Variants in GPR26 observed in about 807,000 individuals in gnomAD.
GPR26 encodes G protein-coupled receptor 26.
A neutral mutation model predicts 23.1 loss-of-function variants in GPR26; 15 were observed. That is an observed-to-expected ratio of 0.65 (90% confidence interval 0.43 to 1.00). The LOEUF is 1.00. Among genes scored for constraint, GPR26 ranks in the 50% least tolerant of loss-of-function variants. The probability of loss-of-function intolerance (pLI) is 0.00; values close to 1 mark genes in which losing one functional copy is unlikely to be tolerated. For synonymous variants in GPR26, 228 were observed against 222.1 expected, an observed-to-expected ratio of 1.03 and a Z score of -0.24; for missense variants, 359 against 470.5, an observed-to-expected ratio of 0.76 and a Z score of 2.19.
In GPR26 at chr10:123,696,156, G is replaced by A. The variant is rs1275491333; in HGVS notation, c.*7996G>A. ...TAGATCTCTCCTTCTGCCATAGTAT[G>A]TCGTGTGTAGTGGATGCCAGTAGAC... On this transcript the variant is annotated 3_prime_UTR_variant, in exon 3 of 3. Transcript: ENST00000284674. Among the ~76,000 whole-genome samples, 2 of 152,210 alleles carry A rather than the reference G, an allele frequency of 1.3e-5. No individual in the cohort carries two copies. Among genetic ancestry groups the A allele is most frequent in the African/African-American group, 4.8e-5 (2 of 41,460 alleles).
In GPR26 at chr10:123,696,436, C is replaced by A. The variant is rs1351205803; in HGVS notation, c.*8276C>A. Among the ~76,000 whole-genome samples the A allele has an allele frequency of 6.6e-6, 1 of 152,026 alleles. No homozygotes were observed. Among genetic ancestry groups the A allele is most frequent in the African/African-American group, 2.4e-5 (1 of 41,358 alleles). On this transcript the variant is annotated 3_prime_UTR_variant, in exon 3 of 3. Transcript: ENST00000284674. ...GAAAAGTGGGGTGGGGAACTCACAC[C>A]AACCATAGCTTGGGGCATCCAGAGA...
rs1845186309 is a variant in GPR26, at chr10:123,666,602, C to T, written c.195C>T (p.Ala65=). 6 of 1,592,116 alleles carry T rather than the reference C, an allele frequency of 3.8e-6. No individual in the cohort carries two copies. In the African/African-American group the frequency reaches 4.0e-5, roughly 11 times the overall value. ...TGGTCAACATGCCGCTCACGCTGGC[C>T]GGCGTCGTGGCGCAGCGGCAGCCGG... ...CTVVNMPLTL[A]GVVAQRQPAG... Residue 65 remains alanine (A), a synonymous_variant, in exon 1 of 3, where the codon GCC becomes GCT. Coordinates refer to ENST00000284674, the MANE Select transcript of GPR26 (RefSeq NM_153442.4).
At chr10:123,683,461 G>C (rs571887164) in intron 2 of GPR26, among the ~76,000 whole-genome samples, 23 of 152,356 alleles carry the variant, frequency 1.5e-4, no homozygotes, top group African/African-American at 5.3e-4. Context: ...TTCTCACTTT[G>C]GAACTTGCTT....
chr10:123,685,722 T>C (rs912381819), intron 2 of GPR26, among the ~76,000 whole-genome samples: 1 of 152,238 alleles, frequency 6.6e-6, no homozygotes, highest in African/African-American at 2.4e-5. Context: ...AGAGCTTCCT[T>C]TGTCATGTCT....
intron 2 of GPR26, among the ~76,000 whole-genome samples, chr10:123,677,796 A>T (rs1413678121): frequency 6.6e-6 from 1 of 152,214 alleles, no homozygotes; most frequent in Non-Finnish European, 1.5e-5. Context: ...AAGGGACAGC[A>T]TGAGCCAGGT....
Position 123,696,154 on chromosome 10 carries a change from A to G in GPR26, c.*7994A>G, listed in dbSNP as rs1405913475. The stretch of plus-strand genomic sequence containing the variant: ...CATAGATCTCTCCTTCTGCCATAGT[A>G]TGTCGTGTGTAGTGGATGCCAGTAG... On this transcript the variant is annotated 3_prime_UTR_variant, in exon 3 of 3. Transcript: ENST00000284674. 1.3e-5 allele frequency among the ~76,000 whole-genome samples: 2 copies of G among 152,152 alleles called. No homozygotes were observed.
At chr10:123,687,608 G>T (rs1433300646) in intron 2 of GPR26, among the ~76,000 whole-genome samples, 1 of 152,154 alleles carries the variant, frequency 6.6e-6, no homozygotes, top group Non-Finnish European at 1.5e-5. Context: ...CTGGCCATGT[G>T]ACCTTGGGCA....
intron 2 of GPR26, among the ~76,000 whole-genome samples, chr10:123,683,014 A>G (rs916737833): frequency 2.9e-5 from 4 of 137,394 alleles, no homozygotes; most frequent in Non-Finnish European, 4.8e-5. Flanking sequence ...GTATGTATGT[A>G]TGTGTGTGCA....
rs561625804 is a variant in GPR26 at position 123,695,709 on chromosome 10, C to T, written c.*7549C>T. On this transcript the variant is annotated 3_prime_UTR_variant, in exon 3 of 3. Transcript: ENST00000284674. ...AGACTCAGCTTGACATTGCTTTGCA[C>T]TCAACTCATGTATTACCAAATCTTT... 2.6e-5 allele frequency among the ~76,000 whole-genome samples: 4 copies of T among 152,286 alleles called. No homozygotes were observed. The East Asian group carries it at 7.7e-4, about 29-fold the overall frequency.
intron 2 of GPR26, among the ~76,000 whole-genome samples, chr10:123,676,299 C>T (rs1845309507): frequency 6.6e-6 from 1 of 152,184 alleles, no homozygotes; most frequent in African/African-American, 2.4e-5. Context: ...GGCCTGTCTG[C>T]AGGTCTCTGG....
At chr10:123,670,927 CT>C (rs1458633408) in intron 1 of GPR26, among the ~76,000 whole-genome samples, 1 of 152,112 alleles carries the variant, frequency 6.6e-6, no homozygotes, top group East Asian at 1.9e-4. Context: ...CCTATGAACT[CT>C]TTGTTGTGTG....
intron 1 of GPR26, among the ~76,000 whole-genome samples, chr10:123,670,413 G>A (rs1287748168): frequency 6.6e-6 from 1 of 152,228 alleles, no homozygotes; most frequent in African/African-American, 2.4e-5. Context: ...ATTTATGGAT[G>A]GAGCAAATAG....
chr10:123,684,940 C>G (rs895669681), intron 2 of GPR26, among the ~76,000 whole-genome samples: 4 of 152,180 alleles, frequency 2.6e-5, no homozygotes, highest in Admixed American at 2.6e-4. Context: ...AGCCCAATAA[C>G]CCCTCACTGT....
intron 1 of GPR26, among the ~76,000 whole-genome samples, chr10:123,669,320 A>G (rs1845224849): frequency 6.6e-6 from 1 of 152,196 alleles, no homozygotes; most frequent in South Asian, 2.1e-4. Context: ...TGTGGGAGGG[A>G]CAACACAGGA....
chr10:123,672,207 T>C (rs1282589328), intron 1 of GPR26, among the ~76,000 whole-genome samples: 2 of 152,310 alleles, frequency 1.3e-5, no homozygotes, highest in Non-Finnish European at 2.9e-5. Context: ...GACTGGATGC[T>C]AGCCCCACCT....
chr10:123,679,466 C>G (rs923297012), intron 2 of GPR26, among the ~76,000 whole-genome samples: 1 of 152,200 alleles, frequency 6.6e-6, no homozygotes, highest in Non-Finnish European at 1.5e-5. Flanking sequence ...GGACCTCACA[C>G]TGAACCAGTT....
At position 123,696,576 on chromosome 10, in the gene GPR26, C is replaced by T. The variant is rs770540026; in HGVS notation, c.*8416C>T. ...TATTTATTTGCACACATCAAGAATA[C>T]TTTTGGAAACCAGGATTTAGAAAAA... On this transcript the variant is annotated 3_prime_UTR_variant, in exon 3 of 3. Coordinates refer to ENST00000284674, the MANE Select transcript of GPR26 (RefSeq NM_153442.4). Among the ~76,000 whole-genome samples, 1 of 152,120 alleles carries T rather than the reference C, an allele frequency of 6.6e-6. No homozygotes were observed. Among genetic ancestry groups the T allele is most frequent in the Non-Finnish European group, 1.5e-5 (1 of 68,018 alleles).
At chr10:123,687,474 C>T (rs891646566) in intron 2 of GPR26, among the ~76,000 whole-genome samples, 1 of 152,168 alleles carries the variant, frequency 6.6e-6, no homozygotes, top group African/African-American at 2.4e-5. Context: ...GACCATATGA[C>T]AAGTCAGCAG....
At chr10:123,676,942 C>T (rs965878937) in intron 2 of GPR26, among the ~76,000 whole-genome samples, 5 of 152,214 alleles carry the variant, frequency 3.3e-5, no homozygotes, top group Non-Finnish European at 7.3e-5. Flanking sequence ...GCACTTACAG[C>T]ACCATCCACA....
Sources: allele counts gnomAD v4.1 joint callset (sites outside exome capture counted in the v4.1 genomes callset), GRCh38; gene constraint gnomAD v4.1.1; transcripts MANE v1.5; gene names NCBI Gene and HGNC (gene_info 2026-07-23, HGNC 2026-07-21).